Variants in SKA2 observed in about 807,000 individuals in gnomAD.
The protein encoded by SKA2 is spindle and kinetochore-associated protein 2.
SKA2 carries 13 observed loss-of-function variants against 16.9 expected under a neutral mutation model. The ratio of observed to expected loss-of-function variants is 0.77; its 90% confidence interval spans 0.50 to 1.22. SKA2 has a LOEUF of 1.22. SKA2 is among the 50% of genes most tolerant of loss of function. SKA2 has a pLI of 0.00. For missense variants in SKA2, 107 were observed against 139.7 expected (o/e 0.77, Z 1.18); for synonymous variants, 47 against 48.5 (o/e 0.97, Z 0.13).
intron 1 of SKA2, among the ~76,000 whole-genome samples, chr17:59,141,487 A>T (rs1321600558): frequency 6.6e-6 from 1 of 152,046 alleles, no homozygotes; most frequent in Non-Finnish European, 1.5e-5. Context: ...GCACTTGGGG[A>T]GGCCGAGGCA....
At chr17:59,125,455 C>T (rs917157535) in intron 2 of SKA2, among the ~76,000 whole-genome samples, 1 of 150,662 alleles carries the variant, frequency 6.6e-6, no homozygotes, top group Non-Finnish European at 1.5e-5. Context: ...GTAATCTCAG[C>T]TTTGGGAGGC....
chr17:59,115,309 C>T (rs1313049502), intron 3 of SKA2, among the ~76,000 whole-genome samples: 7 of 152,046 alleles, frequency 4.6e-5, no homozygotes, highest in South Asian at 4.2e-4. Context: ...CCACCTGTCT[C>T]GGCCTCCCAA....
At chr17:59,131,423 A>T in intron 1 of SKA2, 56 bp from the exon 2 acceptor site, 1 of 1,157,508 alleles carries the variant, frequency 8.6e-7, no homozygotes, top group Non-Finnish European at 1.2e-6. Flanking sequence ...AGTAAACATG[A>T]TACTTTATTC....
At chr17:59,115,020 T>A (rs189270529) in intron 3 of SKA2, among the ~76,000 whole-genome samples, 1 of 151,990 alleles carries the variant, frequency 6.6e-6, no homozygotes, top group Non-Finnish European at 1.5e-5. Flanking sequence ...ACCTTAAATG[T>A]AAATTTCTTT....
At chr17:59,116,903 C>T (rs930923192) in intron 3 of SKA2, among the ~76,000 whole-genome samples, 22 of 149,284 alleles carry the variant, frequency 1.5e-4, no homozygotes, top group African/African-American at 5.2e-4. Flanking sequence ...CTGCAACCTC[C>T]GCCTCCCAGG....
At chr17:59,154,590 C>A (rs1352086859) in intron 1 of SKA2, among the ~76,000 whole-genome samples, 1 of 152,202 alleles carries the variant, frequency 6.6e-6, no homozygotes, top group Non-Finnish European at 1.5e-5. Context: ...CAAACAGAAA[C>A]GGGTTCCTTG....
Position 59,119,442 on chromosome 17 carries a change from T to C in SKA2, c.174A>G (p.Gln58=), listed in dbSNP as rs2046318356. The C allele has an allele frequency of 1.2e-6, 2 of 1,614,028 alleles. No individual in the cohort carries two copies. Reference sequence around the variant, plus strand: ...CTGGTTTAAAGCGGGCATACAAAGTTTGATATCGAGACTTTATCACTGACA... The same window carrying C: ...CTGGTTTAAAGCGGGCATACAAAGTCTGATATCGAGACTTTATCACTGACA... ...KELSVIKSRY[Q]TLYARFKPVA... The change falls in exon 3 of 4, where the codon CAA becomes CAG. Residue 58 remains glutamine, a synonymous_variant. Coordinates refer to ENST00000330137, the MANE Select transcript of SKA2 (RefSeq NM_182620.4).
At chr17:59,142,927 CA>C (rs111796693) in intron 1 of SKA2, among the ~76,000 whole-genome samples, 1,789 of 60,324 alleles carry the variant, frequency 0.03, 11 homozygotes, top group Middle Eastern at 0.085. Flanking sequence ...AACCCCATCT[CA>C]AAAAAAAAAA....
chr17:59,152,331 G>A (rs895813939), intron 1 of SKA2, among the ~76,000 whole-genome samples: 8 of 151,910 alleles, frequency 5.3e-5, no homozygotes, highest in African/African-American at 1.7e-4. Flanking sequence ...CTACTTAGTC[G>A]GATTGAGCCT....
At chr17:59,112,869 T>G (rs1211576942) in intron 3 of SKA2, among the ~76,000 whole-genome samples, 1 of 152,084 alleles carries the variant, frequency 6.6e-6, no homozygotes. Flanking sequence ...AGGAAAAAAG[T>G]CTACAGATGT....
At chr17:59,127,074 G>GAAAGTAGAATGGTGGCTGCT (rs2046377044) in intron 2 of SKA2, among the ~76,000 whole-genome samples, 1 of 152,192 alleles carries the variant, frequency 6.6e-6, no homozygotes, top group African/African-American at 2.4e-5. Context: ...GATAGAGACA[G>GAAAGTAGAATGGTGGCTGCT]AAAGTAGAAT....
At chr17:59,145,667 T>C (rs2046526635) in intron 1 of SKA2, among the ~76,000 whole-genome samples, 1 of 152,212 alleles carries the variant, frequency 6.6e-6, no homozygotes, top group East Asian at 1.9e-4. Context: ...CTTAATATCT[T>C]TAGCCTCTGT....
At chr17:59,113,255 T>C (rs2046275377) in intron 3 of SKA2, among the ~76,000 whole-genome samples, 2 of 151,822 alleles carry the variant, frequency 1.3e-5, no homozygotes, top group Non-Finnish European at 2.9e-5. Flanking sequence ...ACGCGGTGGC[T>C]CATGCCTTCT....
intron 1 of SKA2, among the ~76,000 whole-genome samples, chr17:59,150,554 C>G (rs2046569208): frequency 6.6e-6 from 1 of 152,088 alleles, no homozygotes; most frequent in South Asian, 2.1e-4. Context: ...CTCGGCAACA[C>G]AGTGAGACCC....
At chr17:59,121,239 A>C (rs1477480053) in intron 2 of SKA2, among the ~76,000 whole-genome samples, 8 of 152,150 alleles carry the variant, frequency 5.3e-5, no homozygotes, top group Admixed American at 5.2e-4. Context: ...CTTTCTGTGT[A>C]ATCTTCCTCA....
intron 1 of SKA2, chr17:59,151,279 C>T (rs2046575625): frequency 1.1e-5 from 5 of 451,616 alleles, no homozygotes; most frequent in Admixed American, 8.1e-5. Flanking sequence ...CAGTGAGAAA[C>T]GAATTTAAAG....
chr17:59,153,360 G>GC (rs2046591855), intron 1 of SKA2, among the ~76,000 whole-genome samples: 3 of 152,022 alleles, frequency 2.0e-5, no homozygotes, highest in African/African-American at 7.2e-5. Context: ...AAAACTAAAA[G>GC]TTCATTATTA....
chr17:59,128,326 TA>T (rs1355757744), intron 2 of SKA2, among the ~76,000 whole-genome samples: 3 of 151,668 alleles, frequency 2.0e-5, no homozygotes, highest in Non-Finnish European at 4.4e-5. Context: ...GGATGAAACT[TA>T]GAAACATCCT....
intron 2 of SKA2, among the ~76,000 whole-genome samples, chr17:59,128,685 T>C (rs562898711): frequency 6.6e-6 from 1 of 151,808 alleles, no homozygotes; most frequent in East Asian, 1.9e-4. Context: ...GGTCATATAT[T>C]ATATGATTCT....
Sources: gnomAD v4.1 joint callset for allele counts (sites outside exome capture counted in the v4.1 genomes callset) on GRCh38, gnomAD v4.1.1 for gene constraint, MANE v1.5 for transcripts, NCBI Gene and HGNC (gene_info 2026-07-23, HGNC 2026-07-21) for gene names.